The following NXPE2 variants were observed in gnomAD, a reference collection of about 807,000 sequenced individuals.
The protein encoded by NXPE2 is neurexophilin and PC-esterase domain family member 2, also known as NXPE family member 2.
Under a neutral mutation model 34.4 loss-of-function variants are expected in NXPE2, and 34 were observed. That is an observed-to-expected ratio of 0.99 (90% CI 0.75 to 1.31). The LOEUF (loss-of-function observed/expected upper bound fraction) is 1.31, where lower values mean the gene tolerates loss of function less well. NXPE2 is among the 40% of genes most tolerant of loss of function. The probability of loss-of-function intolerance (pLI) is 0.00; values close to 1 mark genes in which losing one functional copy is unlikely to be tolerated. For missense variants in NXPE2, 649 were observed against 672.5 expected (o/e 0.97, Z 0.39); for synonymous variants, 235 against 231.3 (o/e 1.02, Z -0.15).
chr11:114,514,290 A>G, the NXPE2 span, among the ~76,000 whole-genome samples: 1 of 152,324 alleles, frequency 6.6e-6, no homozygotes, highest in East Asian at 1.9e-4. Flanking sequence ...CTATTACAGT[A>G]TTGAAAGTAT....
chr11:114,657,598 T>A, the NXPE2 span, among the ~76,000 whole-genome samples: 2 of 152,152 alleles, frequency 1.3e-5, no homozygotes, highest in African/African-American at 4.8e-5. Flanking sequence ...AGGATGTATA[T>A]TTATATATCA....
In NXPE2 at chr11:114,706,817, G is replaced by A. The variant is rs796290471; in HGVS notation, c.1567G>A (p.Val523Met). ...AAGAGATATTTTTGTGGATCTTAATGTGGGTATTATTGATGCCTGGGACAT... is the reference window on the plus strand; with the variant it reads ...AAGAGATATTTTTGTGGATCTTAATATGGGTATTATTGATGCCTGGGACAT... ...IIRDIFVDLN[V>M]GIIDAWDMTI... Residue 523 changes from valine to methionine, a missense_variant, in exon 6 of 6, where the codon GTG (valine) becomes ATG (methionine). Val to Met is a conservative substitution (Grantham distance 21). Transcript: ENST00000389586. 5 of 1,552,116 alleles carry A rather than the reference G, an allele frequency of 3.2e-6. No individual in the cohort carries two copies. The highest frequency in any genetic ancestry group is 4.4e-6 in the Non-Finnish European group (5 of 1,146,894).
At chr11:114,725,978 TATATATATATATATAAAAAGAAAA>T in the NXPE2 span, among the ~76,000 whole-genome samples, 1 of 118,298 alleles carries the variant, frequency 8.5e-6, no homozygotes. Context: ...AAAAAAAAAA[TATATATATATATATAAAAAGAAAA>T]AGAAAACCAT....
intron 3 of NXPE2, among the ~76,000 whole-genome samples, chr11:114,701,684 AT>A (rs1951367868): frequency 6.6e-6 from 1 of 152,154 alleles, no homozygotes; most frequent in African/African-American, 2.4e-5. Flanking sequence ...CCCAAGCCCA[AT>A]TCTTTGACAT....
At chr11:114,530,320 G>A in the NXPE2 span, 13 of 1,614,218 alleles carry the variant, frequency 8.1e-6, no homozygotes, top group African/African-American at 1.3e-5. Flanking sequence ...TATTCACAGA[G>A]TTCAGCATTT....
At chr11:114,616,917 T>C in the NXPE2 span, among the ~76,000 whole-genome samples, 1 of 146,628 alleles carries the variant, frequency 6.8e-6, no homozygotes, top group Admixed American at 6.6e-5. Flanking sequence ...TAACCACTGT[T>C]ACCTGGTGGA....
the NXPE2 span, among the ~76,000 whole-genome samples, chr11:114,620,749 TA>T: frequency 6.6e-6 from 1 of 152,098 alleles, no homozygotes; most frequent in Non-Finnish European, 1.5e-5. Context: ...CGATGTATAA[TA>T]AGTATTGCCT....
chr11:114,714,168 T>C, the NXPE2 span, among the ~76,000 whole-genome samples: 1 of 152,244 alleles, frequency 6.6e-6, no homozygotes, highest in Admixed American at 6.5e-5. Context: ...GTGGTTGGCT[T>C]TATAAGCTTC....
chr11:114,717,239 C>T, the NXPE2 span, among the ~76,000 whole-genome samples: 4 of 152,278 alleles, frequency 2.6e-5, no homozygotes, highest in South Asian at 8.3e-4. Flanking sequence ...TTCCAGTTTA[C>T]CAGATCCCAG....
the NXPE2 span, among the ~76,000 whole-genome samples, chr11:114,592,020 T>A: frequency 6.6e-6 from 1 of 152,160 alleles, no homozygotes; most frequent in African/African-American, 2.4e-5. Context: ...ATGGAAGAAA[T>A]GTACCTCAAA....
the NXPE2 span, among the ~76,000 whole-genome samples, chr11:114,755,829 T>C: frequency 1.3e-5 from 2 of 152,138 alleles, no homozygotes; most frequent in South Asian, 4.2e-4. Context: ...ATGGATTAGA[T>C]TTCTCTCCTC....
chr11:114,578,751 T>C, the NXPE2 span, among the ~76,000 whole-genome samples: 3 of 152,180 alleles, frequency 2.0e-5, no homozygotes, highest in Non-Finnish European at 4.4e-5. Flanking sequence ...GTGAGATGGC[T>C]AAGGTCTACT....
the NXPE2 span, among the ~76,000 whole-genome samples, chr11:114,477,714 ATACTC>A: frequency 1.3e-5 from 2 of 151,778 alleles, no homozygotes; most frequent in African/African-American, 4.8e-5. Context: ...CCAGGAGTAA[ATACTC>A]TATGATTCTA....
At chr11:114,487,086 G>A in the NXPE2 span, among the ~76,000 whole-genome samples, 1 of 151,986 alleles carries the variant, frequency 6.6e-6, no homozygotes, top group African/African-American at 2.4e-5. Flanking sequence ...ATTGCTTTGG[G>A]CAGTATGGAC....
rs142714127 is a variant in NXPE2, at chr11:114,698,665, A to G, written c.753A>G (p.Glu251=). The change falls in exon 3 of 6, where the codon GAA becomes GAG. Residue 251 remains glutamate, a synonymous_variant. Coordinates refer to ENST00000389586, the MANE Select transcript of NXPE2 (RefSeq NM_182495.6). ...LCQYMDDRDQ[E]AFYCVRPQHM... is the part of the protein sequence containing the mutation. ...AGTACATGGATGACAGAGACCAAGA[A>G]GCCTTCTACTGTGTGAGGCCTCAAC... The G allele has an allele frequency of 6.8e-4, 1,097 of 1,614,208 alleles. 13 individuals carry two copies. The East Asian group carries it at 0.012, about 18-fold the overall frequency.
the NXPE2 span, among the ~76,000 whole-genome samples, chr11:114,650,126 A>C: frequency 8.5e-5 from 13 of 152,224 alleles, no homozygotes; most frequent in African/African-American, 2.9e-4. Flanking sequence ...ATACATCATA[A>C]AGCTCAAGTA....
At chr11:114,559,876 A>G in the NXPE2 span, 1 of 152,036 alleles carries the variant, frequency 6.6e-6, no homozygotes, top group Non-Finnish European at 1.5e-5. Context: ...GCTGTGTAAA[A>G]TGTTTTTGTT....
chr11:114,565,996 T>TA, the NXPE2 span, among the ~76,000 whole-genome samples: 1 of 152,188 alleles, frequency 6.6e-6, no homozygotes, highest in Non-Finnish European at 1.5e-5. Flanking sequence ...AAGGACAATT[T>TA]ATGACTACCT....
chr11:114,591,127 A>G, the NXPE2 span, among the ~76,000 whole-genome samples: 1 of 152,258 alleles, frequency 6.6e-6, no homozygotes, highest in Non-Finnish European at 1.5e-5. Flanking sequence ...AGAAGTCCAT[A>G]AGGCAGAATA....
Sources: gnomAD v4.1 joint callset for allele counts (sites outside exome capture counted in the v4.1 genomes callset) on GRCh38, gnomAD v4.1.1 for gene constraint, MANE v1.5 for transcripts, NCBI Gene and HGNC (gene_info 2026-07-23, HGNC 2026-07-21) for gene names.